The following CACNA1E variants were observed in gnomAD, a reference collection of about 807,000 sequenced individuals.
The protein encoded by CACNA1E is voltage-dependent R-type calcium channel subunit alpha-1E.
CACNA1E carries 40 observed loss-of-function variants against 259.2 expected under a neutral mutation model. The ratio of observed to expected loss-of-function variants is 0.15; its 90% CI spans 0.12 to 0.20. The LOEUF is 0.20. Among genes scored for constraint, CACNA1E ranks in the 10% least tolerant of loss-of-function variants. The pLI, the probability that CACNA1E is intolerant of heterozygous loss-of-function variation, is 1.00. For synonymous variants in CACNA1E, 1,104 were observed against 1,138.5 expected, an observed-to-expected ratio of 0.97 and a Z score of 0.61; for missense variants, 1,874 against 3,040.1, an observed-to-expected ratio of 0.62 and a Z score of 9.02.
rs775398717 is a variant in CACNA1E, at chr1:181,772,137, C to T, written c.5045C>T (p.Thr1682Ile). Residue 1682 changes from threonine to isoleucine, a missense_variant, in exon 37 of 48, where the codon ACC becomes ATC. Physicochemically the swap from Thr to Ile is moderately conservative, Grantham distance 89 (BLOSUM62 -1). Transcript: ENST00000367573. ...GGGGAGAAGGGCTGTGAGCCTGACA[C>T]CACCGCACCATCAGGGCAGAACGAG... The part of the protein sequence containing the change: ...CLGEKGCEPD[T>I]TAPSGQNENE... The T allele has an allele frequency of 6.2e-6, 10 of 1,613,780 alleles. No homozygotes were observed. The Admixed American group carries it at 1.7e-4, about 27-fold the overall frequency.
At chr1:181,783,940 T>A (rs1660641866) in intron 40 of CACNA1E, among the ~76,000 whole-genome samples, 156 bp downstream of exon 40, 1 of 152,228 alleles carries the variant, frequency 6.6e-6, no homozygotes, top group Non-Finnish European at 1.5e-5. Flanking sequence ...TAACTAATAA[T>A]TGCCCTTTCC....
chr1:181,674,441 A>T (rs575300212), intron 7 of CACNA1E, among the ~76,000 whole-genome samples: 1 of 151,898 alleles, frequency 6.6e-6, no homozygotes, highest in African/African-American at 2.4e-5. Context: ...AGTCTCAATT[A>T]AAATACTCAT....
chr1:181,704,226 A>C (rs1652564844), intron 7 of CACNA1E, among the ~76,000 whole-genome samples: 1 of 152,168 alleles, frequency 6.6e-6, no homozygotes. Context: ...GAAGGTGTTT[A>C]CCTTCTCTGG....
intron 1 of CACNA1E, among the ~76,000 whole-genome samples, chr1:181,383,588 G>A (rs1655620905): frequency 6.6e-6 from 1 of 152,230 alleles, no homozygotes; most frequent in Non-Finnish European, 1.5e-5. Flanking sequence ...AAAACGGTCT[G>A]TGGGGAGAGA....
intron 1 of CACNA1E, among the ~76,000 whole-genome samples, chr1:181,381,376 T>G (rs973968236): frequency 5.9e-5 from 9 of 152,178 alleles, no homozygotes; most frequent in Non-Finnish European, 8.8e-5. Context: ...AAAATAAGTA[T>G]GCTGACTGAA....
At chr1:181,768,809 C>T (rs1057400357) in intron 35 of CACNA1E, among the ~76,000 whole-genome samples, 5 of 152,164 alleles carry the variant, frequency 3.3e-5, no homozygotes, top group African/African-American at 1.2e-4. Flanking sequence ...AAAGCAGACA[C>T]CTGAGCTTGT....
At chr1:181,550,922 T>C (rs1423310477) in intron 3 of CACNA1E, among the ~76,000 whole-genome samples, 1 of 152,102 alleles carries the variant, frequency 6.6e-6, no homozygotes, top group Admixed American at 6.5e-5. Context: ...AGGCAAGCTT[T>C]ATTTCTACAT....
chr1:181,502,945 C>T (rs1029279688), intron 1 of CACNA1E, among the ~76,000 whole-genome samples: 4 of 152,228 alleles, frequency 2.6e-5, no homozygotes, highest in African/African-American at 9.6e-5. Flanking sequence ...GTGATTCACT[C>T]GCCTCGGCCT....
At chr1:181,759,172 A>G (rs370103865) in intron 32 of CACNA1E, among the ~76,000 whole-genome samples, 2 of 147,466 alleles carry the variant, frequency 1.4e-5, no homozygotes, top group Non-Finnish European at 3.0e-5. Context: ...GAAGCCAAAG[A>G]TTGGACTAAT....
At chr1:181,614,182 A>G in intron 6 of CACNA1E, among the ~76,000 whole-genome samples, 1 of 151,954 alleles carries the variant, frequency 6.6e-6, no homozygotes, top group East Asian at 1.9e-4. Flanking sequence ...TAGCTGCTAC[A>G]ACTACTTCGC....
In CACNA1E at chr1:181,366,489, C is replaced by T. The variant is rs929988268; in HGVS notation, c.-14-46644C>T. ...TCTTGCCACTTTCCTCTGCTTTTCT[C>T]ATTTATCCCTCTTTTTTTGCAACTT... On this transcript the variant is annotated intron_variant, in intron 1 of 11. Coordinates refer to the CACNA1E transcript ENST00000524607. 3.3e-5 allele frequency among the ~76,000 whole-genome samples: 5 copies of T among 152,206 alleles called. No individual in the cohort carries two copies. The East Asian group carries it at 9.6e-4, about 29-fold the overall frequency.
chr1:181,426,758 C>T (rs111576449), intron 2 of CACNA1E, among the ~76,000 whole-genome samples: 9,111 of 78,878 alleles, frequency 0.12, 3 homozygotes, highest in Middle Eastern at 0.15. Flanking sequence ...CCCGTCTCAA[C>T]CCCTGTCAAT....
rs74127747 is a variant in CACNA1E at position 181,359,424 on chromosome 1, G to A, written c.-15+41301G>A. 7.2e-3 allele frequency among the ~76,000 whole-genome samples: 1,097 copies of A among 152,248 alleles called. 17 individuals are homozygous for A. The highest frequency in any genetic ancestry group is 0.025 in the African/African-American group (1,044 of 41,528). ...AGGTGAGAAGGCAGAAAAAAACAGCGTGGGCAAAACCACAGAAGTTTGAAC... is the reference window on the plus strand; with the variant it reads ...AGGTGAGAAGGCAGAAAAAAACAGCATGGGCAAAACCACAGAAGTTTGAAC... On this transcript the variant is annotated intron_variant, in intron 1 of 11. Transcript: ENST00000524607.
chr1:181,713,975 A>G (rs921178862), intron 8 of CACNA1E, among the ~76,000 whole-genome samples: 3 of 152,242 alleles, frequency 2.0e-5, no homozygotes, highest in Non-Finnish European at 2.9e-5. Context: ...AACTCCAACA[A>G]GCAAATATAT....
chr1:181,787,942 G>C (rs1289319948), intron 43 of CACNA1E, among the ~76,000 whole-genome samples: 5 of 152,220 alleles, frequency 3.3e-5, no homozygotes, highest in African/African-American at 4.8e-5. Context: ...GCAGGATAAA[G>C]AAATTGGATT....
intron 6 of CACNA1E, among the ~76,000 whole-genome samples, chr1:181,625,543 C>G (rs140036442): frequency 6.6e-6 from 1 of 152,146 alleles, no homozygotes; most frequent in Non-Finnish European, 1.5e-5. Context: ...CCTCGTGGAC[C>G]AAGCTCTGCT....
chr1:181,783,496 A>C (rs1336794262), intron 39 of CACNA1E, among the ~76,000 whole-genome samples, 183 bp from the exon 40 acceptor site: 2 of 152,158 alleles, frequency 1.3e-5, no homozygotes, highest in Non-Finnish European at 2.9e-5. Flanking sequence ...CAACAACAAC[A>C]AAACAGCAGC....
intron 3 of CACNA1E, among the ~76,000 whole-genome samples, chr1:181,549,848 G>A (rs1003280074): frequency 5.3e-5 from 8 of 152,210 alleles, no homozygotes; most frequent in Non-Finnish European, 1.0e-4. Context: ...GTGGAGCATG[G>A]CGGAGAGTGG....
chr1:181,783,633 AT>A lies in CACNA1E; in HGVS notation c.5365-32del, dbSNP rs112594566. 0.047 allele frequency: 39,451 copies of A among 846,020 alleles called. 54 individuals are homozygous for A. The highest frequency in any genetic ancestry group is 0.077 in the African/African-American group (4,081 of 53,184). The allele number at this position is 846,020 out of a possible 1,614,324, so 52.4% of individuals were successfully genotyped here. On this transcript the variant is annotated intron_variant, in intron 39 of 47. Transcript: ENST00000367573. ...TCCTTTCTCACTGAGATGTCTTTCA[AT>A]TTTTTTTTTTTTTGCCTGCTGTTTC...
Sources: allele counts gnomAD v4.1 joint callset (sites outside exome capture counted in the v4.1 genomes callset), GRCh38; gene constraint gnomAD v4.1.1; transcripts MANE v1.5; gene names NCBI Gene and HGNC (gene_info 2026-07-23, HGNC 2026-07-21).